Variants in TIAM1 observed in about 807,000 individuals in gnomAD.
TIAM1 encodes the protein rho guanine nucleotide exchange factor TIAM1.
A neutral mutation model predicts 163.5 loss-of-function variants in TIAM1; 65 were observed. That is an observed-to-expected ratio of 0.40 (90% CI 0.33 to 0.49). TIAM1 has a LOEUF of 0.49. Ranked by LOEUF, TIAM1 falls within the 20% of genes least tolerant of loss-of-function variation. The probability of loss-of-function intolerance (pLI) is 0.77; values close to 1 mark genes in which losing one functional copy is unlikely to be tolerated. For synonymous variants in TIAM1, 833 were observed against 810.1 expected (o/e 1.03, Z -0.48); for missense variants, 1,789 against 2,044.7 (o/e 0.87, Z 2.41).
intron 8 of TIAM1, among the ~76,000 whole-genome samples, chr21:31,219,657 T>C (rs145580505): frequency 9.2e-5 from 14 of 152,288 alleles, no homozygotes; most frequent in Non-Finnish European, 1.9e-4. Context: ...GGGAAGGTTT[T>C]TGGACCCAAA....
chr21:31,241,964 T>C (rs1012098439), intron 6 of TIAM1, among the ~76,000 whole-genome samples: 4 of 152,182 alleles, frequency 2.6e-5, no homozygotes, highest in Admixed American at 6.5e-5. Flanking sequence ...GAGCTATGAT[T>C]GCACCACTGT....
At chr21:31,331,544 A>G (rs2075679554) in intron 2 of TIAM1, among the ~76,000 whole-genome samples, 1 of 152,140 alleles carries the variant, frequency 6.6e-6, no homozygotes. Context: ...ACCCTACCAC[A>G]CTCCTGAGGA....
At chr21:31,405,095 A>G (rs944919168) in intron 2 of TIAM1, among the ~76,000 whole-genome samples, 12 of 151,998 alleles carry the variant, frequency 7.9e-5, no homozygotes, top group African/African-American at 2.9e-4. Context: ...GAAATAAAAA[A>G]ATTAGCCAGA....
intron 23 of TIAM1, among the ~76,000 whole-genome samples, chr21:31,135,038 TC>T (rs927709235): frequency 6.6e-6 from 1 of 151,954 alleles, no homozygotes; most frequent in Non-Finnish European, 1.5e-5. Flanking sequence ...GAAAGCAACC[TC>T]CGTTCCCAGC....
At chr21:31,362,867 T>C (rs1437965364) in intron 2 of TIAM1, among the ~76,000 whole-genome samples, 1 of 152,168 alleles carries the variant, frequency 6.6e-6, no homozygotes, top group Admixed American at 6.5e-5. Flanking sequence ...CATTGTATTT[T>C]CTGATTAGGA....
chr21:31,185,719 A>G (rs1323785742), intron 14 of TIAM1, among the ~76,000 whole-genome samples: 1 of 150,728 alleles, frequency 6.6e-6, no homozygotes, highest in Admixed American at 6.7e-5. Context: ...ATTACACACG[A>G]AAGTTACAAT....
chr21:31,388,188 C>G (rs1481364026), intron 2 of TIAM1, among the ~76,000 whole-genome samples: 1 of 149,450 alleles, frequency 6.7e-6, no homozygotes, highest in Non-Finnish European at 1.5e-5. Flanking sequence ...TTAGGTATTT[C>G]TTTATCCAAC....
chr21:31,456,695 G>C (rs1489034315), intron 2 of TIAM1, among the ~76,000 whole-genome samples: 2 of 152,082 alleles, frequency 1.3e-5, no homozygotes, highest in African/African-American at 4.8e-5. Flanking sequence ...TTCAATCCTA[G>C]TTTGCTATAC....
At chr21:31,143,241 T>C (rs2082939811) in intron 20 of TIAM1, among the ~76,000 whole-genome samples, 1 of 152,118 alleles carries the variant, frequency 6.6e-6, no homozygotes, top group South Asian at 2.1e-4. Context: ...AGCACATTCT[T>C]CACATTCATC....
intron 2 of TIAM1, among the ~76,000 whole-genome samples, chr21:31,411,644 T>A (rs2077360150): frequency 6.6e-6 from 1 of 152,004 alleles, no homozygotes; most frequent in Non-Finnish European, 1.5e-5. Context: ...CCCAGCTAAT[T>A]TTTGTATTTT....
chr21:31,141,285 G>A lies in TIAM1; in HGVS notation c.3655+40C>T, dbSNP rs1349533209. On this transcript the variant is annotated intron_variant, in intron 21 of 27. Transcript: ENST00000541036. This position sits in a 1 kb window ranked among gnomAD's most constrained non-coding sequence, Gnocchi z 4.7. The stretch of plus-strand genomic sequence containing the variant: ...TGAGAGGCTATTTAGAGACCCTCAT[G>A]GAGACTCAGGCCTGCCGGGGGTCCC... 1 of 1,613,770 alleles carries A rather than the reference G, an allele frequency of 6.2e-7. No individual in the cohort carries two copies. The highest frequency in any genetic ancestry group is 8.5e-7 in the Non-Finnish European group (1 of 1,179,744).
intron 2 of TIAM1, among the ~76,000 whole-genome samples, chr21:31,326,041 C>T (rs545571438): frequency 2.6e-5 from 4 of 152,296 alleles, no homozygotes; most frequent in Non-Finnish European, 5.9e-5. Context: ...CTGCTGAGGC[C>T]TCTGCTTTTC....
chr21:31,213,219 A>C, intron 10 of TIAM1, 179 bp downstream of exon 10: 1 of 546,470 alleles, frequency 1.8e-6, no homozygotes, highest in Non-Finnish European at 3.2e-6. Context: ...TCTACCACTC[A>C]GTTTTAAATA....
rs77615270 is a variant in TIAM1 at position 31,455,782 on chromosome 21, G to A, written c.-369+8201C>T. Among the ~76,000 whole-genome samples, 90 of 152,236 alleles carry A rather than the reference G, an allele frequency of 5.9e-4. No homozygotes were observed. In the East Asian group the frequency reaches 0.016, roughly 28 times the overall value. On this transcript the variant is annotated intron_variant, in intron 2 of 28. Coordinates refer to the TIAM1 transcript ENST00000286827. ...AAATTATCAGGCAAACCAAAATTGA[G>A]GAATCTTCTAGAAAACAATAGCCTG... is the stretch of plus-strand genomic sequence containing the variant.
At chr21:31,332,346 T>C (rs184897668) in intron 2 of TIAM1, among the ~76,000 whole-genome samples, 338 of 152,128 alleles carry the variant, frequency 2.2e-3, no homozygotes, top group African/African-American at 7.7e-3. Flanking sequence ...TTGCCAACTA[T>C]ACAGAGAGAA....
intron 2 of TIAM1, among the ~76,000 whole-genome samples, chr21:31,424,392 G>A (rs1283081250): frequency 2.0e-5 from 3 of 152,200 alleles, no homozygotes; most frequent in Non-Finnish European, 4.4e-5. Flanking sequence ...TGCCATCCAA[G>A]TACCCACCAA....
At chr21:31,207,348 G>A (rs948390250) in intron 11 of TIAM1, among the ~76,000 whole-genome samples, 5 of 152,288 alleles carry the variant, frequency 3.3e-5, no homozygotes, top group Admixed American at 6.5e-5. Context: ...GGATCAGATA[G>A]AATAGGAAAG....
intron 13 of TIAM1, 67 bp from the exon 14 acceptor site, chr21:31,187,154 G>C: frequency 3.5e-6 from 5 of 1,411,110 alleles, no homozygotes; most frequent in African/African-American, 1.4e-5. Context: ...ACAACAGGAA[G>C]TGCCTGCTGT....
intron 2 of TIAM1, among the ~76,000 whole-genome samples, chr21:31,410,194 CAG>C (rs550346384): frequency 9.0e-5 from 13 of 144,442 alleles, no homozygotes; most frequent in East Asian, 7.9e-4. Flanking sequence ...GAGTGTGAAA[CAG>C]TGATTGTGAG....
Sources: gnomAD v4.1 joint callset for allele counts (sites outside exome capture counted in the v4.1 genomes callset) on GRCh38, gnomAD v4.1.1 for gene constraint, Gnocchi (gnomAD v3.1) non-coding constraint, MANE v1.5 for transcripts, NCBI Gene and HGNC (gene_info 2026-07-23, HGNC 2026-07-21) for gene names.